KCTD1: variants seen among roughly 807,000 people sequenced by gnomAD.
KCTD1 encodes potassium channel tetramerization domain containing 1, also known as BTB/POZ domain-containing protein KCTD1.
In KCTD1, 24 loss-of-function variants were observed where a neutral mutation model predicts 66.0. The ratio of observed to expected loss-of-function variants is 0.36; its 90% CI spans 0.26 to 0.51. KCTD1 has a LOEUF of 0.51. Among genes scored for constraint, KCTD1 ranks in the 20% least tolerant of loss-of-function variants. KCTD1 has a pLI of 0.95. For missense variants in KCTD1, 943 were observed against 1,205.2 expected (o/e 0.78, Z 3.22); for synonymous variants, 511 against 517.2 (o/e 0.99, Z 0.16).
rs866560834 is a variant in KCTD1, at chr18:26,627,726, A to G, written c.-16+1421T>C. Among the ~76,000 whole-genome samples, 20 of 152,224 alleles carry G rather than the reference A, an allele frequency of 1.3e-4. 1 individual carries two copies. Among genetic ancestry groups the G allele is most frequent in the Admixed American group, 2.0e-4 (3 of 15,286 alleles). On this transcript the variant is annotated intron_variant, in intron 1 of 4. Transcript: ENST00000317932. ...AGCATTTGTTTTCATTTAGGCTTAGATGCTGCATTTGAATTCTATGATGTC... is the reference window on the plus strand; with the variant it reads ...AGCATTTGTTTTCATTTAGGCTTAGGTGCTGCATTTGAATTCTATGATGTC...
intron 1 of KCTD1, among the ~76,000 whole-genome samples, chr18:26,564,063 C>A (rs191644016): frequency 6.6e-6 from 1 of 151,632 alleles, no homozygotes; most frequent in South Asian, 2.1e-4. Context: ...GCTACTGGCA[C>A]GTAGAAGGTA....
In KCTD1 at chr18:26,599,563, T is replaced by C. The variant is rs143324340; in HGVS notation, c.-16+29584A>G. 6,025 of 1,509,544 alleles carry C rather than the reference T, an allele frequency of 4.0e-3. 23 individuals carry two copies. Among genetic ancestry groups the C allele is most frequent in the Non-Finnish European group, 3.9e-3 (4,186 of 1,084,812 alleles). 93.5% of individuals were successfully genotyped at this position (1,509,544 alleles called of 1,614,324 possible). A position where few individuals can be genotyped will look rare whatever the true frequency, so the allele number is the denominator to read the frequency against. On this transcript the variant is annotated intron_variant, in intron 1 of 4. Transcript: ENST00000317932. ...AAAACATGAACCAGCTGTTGCAGTC[T>C]GCCCACAAAGAATCCAGCTTTGACA...
intron 1 of KCTD1, among the ~76,000 whole-genome samples, chr18:26,535,055 G>T (rs958188167): frequency 6.7e-6 from 1 of 149,590 alleles, no homozygotes; most frequent in African/African-American, 2.5e-5. Flanking sequence ...CACCTGTTCT[G>T]GCTGGGCAAG....
chr18:26,513,690 A>C (rs1400623506), intron 1 of KCTD1, among the ~76,000 whole-genome samples: 2 of 152,222 alleles, frequency 1.3e-5, no homozygotes. Flanking sequence ...GATGCTCTGT[A>C]ATGCTCTTTC....
chr18:26,593,683 G>A lies in KCTD1; in HGVS notation c.-16+35464C>T, dbSNP rs1386351007. On this transcript the variant is annotated intron_variant, in intron 1 of 4. Transcript: ENST00000317932. ...AGAGGAGGAGGAGGAAGATGAGGAG[G>A]AGGAGGAAGAAGATAAGCAGGAGGA... Among the ~76,000 whole-genome samples, 5 of 139,330 alleles carry A rather than the reference G, an allele frequency of 3.6e-5. 1 individual carries two copies. Among genetic ancestry groups the A allele is most frequent in the African/African-American group, 1.4e-4 (5 of 36,502 alleles). 91.4% of individuals were successfully genotyped at this position (139,330 alleles called of 152,430 possible).
intron 1 of KCTD1, among the ~76,000 whole-genome samples, chr18:26,620,023 T>G (rs1481263102): frequency 6.6e-6 from 1 of 152,196 alleles, no homozygotes; most frequent in Admixed American, 6.5e-5. Context: ...AAGGAGACCC[T>G]GCATAATGGT....
intron 2 of KCTD1, among the ~76,000 whole-genome samples, chr18:26,493,210 T>A (rs1453525467): frequency 6.6e-6 from 1 of 152,142 alleles, no homozygotes; most frequent in African/African-American, 2.4e-5. Flanking sequence ...CATGTTAGGA[T>A]ACCCAGTATG....
intron 3 of KCTD1, among the ~76,000 whole-genome samples, chr18:26,472,690 T>A (rs936159554): frequency 2.0e-5 from 3 of 152,182 alleles, no homozygotes; most frequent in Non-Finnish European, 4.4e-5. Context: ...GCGCCCGACG[T>A]TGGTGGCTCA....
At chr18:26,466,147 C>A (rs920523793) in intron 3 of KCTD1, among the ~76,000 whole-genome samples, 3 of 151,862 alleles carry the variant, frequency 2.0e-5, no homozygotes, top group African/African-American at 7.3e-5. Context: ...GAAAGTTCTA[C>A]CCGCAGGAAT....
chr18:26,558,751 G>A (rs1056043015), intron 1 of KCTD1, among the ~76,000 whole-genome samples: 7 of 151,916 alleles, frequency 4.6e-5, no homozygotes, highest in Admixed American at 1.3e-4. Context: ...GTGAAACCCC[G>A]TCTCTACTAA....
chr18:26,473,126 G>C (rs1598881573), intron 3 of KCTD1, among the ~76,000 whole-genome samples: 2 of 152,244 alleles, frequency 1.3e-5, no homozygotes, highest in Admixed American at 1.3e-4. Context: ...AGGTTCAAAA[G>C]TTATCATGCC....
rs149841276 is a variant in KCTD1, at chr18:26,625,254, T to G, written c.-16+3893A>C. Among the ~76,000 whole-genome samples, 1,324 of 152,244 alleles carry G rather than the reference T, an allele frequency of 8.7e-3. 14 individuals carry two copies. Among genetic ancestry groups the G allele is most frequent in the Non-Finnish European group, 0.011 (722 of 68,012 alleles). ...ACTGTTGGAAAGGCACGATTGTGTT[T>G]TGAAATGTAAGGACATGAGATTTGG... is the stretch of plus-strand genomic sequence containing the variant. On this transcript the variant is annotated intron_variant, in intron 1 of 4. Coordinates refer to the KCTD1 transcript ENST00000317932.
chr18:26,578,721 C>CATAAT (rs1243142664), intron 1 of KCTD1, among the ~76,000 whole-genome samples: 4 of 152,310 alleles, frequency 2.6e-5, no homozygotes, highest in South Asian at 4.2e-4. Flanking sequence ...CCCTTTTAAT[C>CATAAT]ATAATTACAT....
At chr18:26,481,669 C>T (rs1441422511) in intron 2 of KCTD1, among the ~76,000 whole-genome samples, 2 of 152,208 alleles carry the variant, frequency 1.3e-5, no homozygotes, top group Non-Finnish European at 2.9e-5. Flanking sequence ...CTCACAGACA[C>T]AGCTTCTGGC....
At chr18:26,570,191 A>AAAAATATATATATATAT (rs776923644) in intron 1 of KCTD1, among the ~76,000 whole-genome samples, 14 of 132,550 alleles carry the variant, frequency 1.1e-4, no homozygotes, top group South Asian at 5.0e-4. Flanking sequence ...ATCTAAAAAA[A>AAAAATATATATATATAT]ATATATATAT....
chr18:26,533,934 C>T (rs1984569851), intron 1 of KCTD1, among the ~76,000 whole-genome samples: 1 of 150,314 alleles, frequency 6.7e-6, no homozygotes, highest in African/African-American at 2.4e-5. Flanking sequence ...GTTCCATATT[C>T]TAGATGACTA....
intron 1 of KCTD1, among the ~76,000 whole-genome samples, chr18:26,527,571 T>C (rs748915977): frequency 2.6e-5 from 4 of 151,314 alleles, no homozygotes; most frequent in Admixed American, 1.3e-4. Context: ...TACGATACCA[T>C]AATGGCAGAG....
intron 2 of KCTD1, among the ~76,000 whole-genome samples, chr18:26,491,669 G>C (rs1472070692): frequency 1.3e-5 from 2 of 152,186 alleles, no homozygotes. Context: ...GTTCACGGCA[G>C]GAAGTGACTG....
chr18:26,592,122 A>G (rs1165725381), intron 1 of KCTD1, among the ~76,000 whole-genome samples: 1 of 152,222 alleles, frequency 6.6e-6, no homozygotes, highest in Admixed American at 6.5e-5. Context: ...GCTCATACAG[A>G]GCTTCGTCAC....
Sources: allele counts gnomAD v4.1 joint callset (sites outside exome capture counted in the v4.1 genomes callset), GRCh38; gene constraint gnomAD v4.1.1; transcripts MANE v1.5; gene names NCBI Gene and HGNC (gene_info 2026-07-23, HGNC 2026-07-21).